Variants in IL1RAPL2 observed in about 807,000 individuals in gnomAD.
The protein encoded by IL1RAPL2 is X-linked interleukin-1 receptor accessory protein-like 2.
Under a neutral mutation model 44.1 loss-of-function variants are expected in IL1RAPL2, and 3 were observed. The ratio of observed to expected loss-of-function variants is 0.07; its 90% CI spans 0.03 to 0.18. The LOEUF is 0.18. Among genes scored for constraint, IL1RAPL2 ranks in the 10% least tolerant of loss-of-function variants. The pLI is 1.00. For synonymous variants in IL1RAPL2, 181 were observed against 178.8 expected, an observed-to-expected ratio of 1.01 and a Z score of -0.10; for missense variants, 391 against 496.4, an observed-to-expected ratio of 0.79 and a Z score of 2.02.
At chrX:104,629,984 T>C in intron 1 of IL1RAPL2, among the ~76,000 whole-genome samples, 1 of 111,349 alleles carries the variant, frequency 9.0e-6, no homozygotes. Flanking sequence ...TTGTTCTTTT[T>C]TTTGTTTGTT....
At chrX:105,663,702 C>G (rs947322292) in intron 6 of IL1RAPL2, among the ~76,000 whole-genome samples, 20 of 111,674 alleles carry the variant, frequency 1.8e-4, no homozygotes, top group Non-Finnish European at 3.2e-4. Context: ...ATATGAATTG[C>G]CACAAGTGAT....
chrX:104,642,276 A>AG (rs1049211225), intron 1 of IL1RAPL2, among the ~76,000 whole-genome samples: 1 of 111,885 alleles, frequency 8.9e-6, no homozygotes, highest in African/African-American at 3.3e-5. Context: ...CGTTCTTCTA[A>AG]GTGGAGGAAG....
chrX:105,375,551 T>C (rs1480611559), intron 5 of IL1RAPL2, among the ~76,000 whole-genome samples: 2 of 111,919 alleles, frequency 1.8e-5, no homozygotes, highest in Non-Finnish European at 1.9e-5. Context: ...AAAAAAACCC[T>C]GTACCTGCTA....
chrX:104,887,846 A>AGT (rs1923294901), intron 2 of IL1RAPL2, among the ~76,000 whole-genome samples: 1 of 112,020 alleles, frequency 8.9e-6, no homozygotes, highest in African/African-American at 3.2e-5. Context: ...GTTATGCCAT[A>AGT]GTTAGTGATG....
chrX:105,637,198 G>A (rs927676656), intron 6 of IL1RAPL2, among the ~76,000 whole-genome samples: 2 of 111,751 alleles, frequency 1.8e-5, no homozygotes, highest in Non-Finnish European at 3.8e-5. Flanking sequence ...TGCCTGCTAG[G>A]AAGAAAGCCT....
chrX:105,658,911 A>T (rs1422591280), intron 6 of IL1RAPL2, among the ~76,000 whole-genome samples: 14 of 104,709 alleles, frequency 1.3e-4, no homozygotes, highest in African/African-American at 4.9e-4. Flanking sequence ...GCAGTGAGCC[A>T]AGGTCACGCC....
chrX:105,376,719 G>A (rs1429754673), intron 5 of IL1RAPL2, among the ~76,000 whole-genome samples: 1 of 111,663 alleles, frequency 9.0e-6, no homozygotes, highest in Non-Finnish European at 1.9e-5. Context: ...TGTATGCAAG[G>A]AAAACTAGTT....
chrX:105,537,284 G>A (rs796332965), intron 6 of IL1RAPL2, among the ~76,000 whole-genome samples: 1 of 111,631 alleles, frequency 9.0e-6, no homozygotes, highest in African/African-American at 3.3e-5. Context: ...ACAAGAGCTG[G>A]TGTATCTATC....
chrX:105,560,682 A>G (rs977609570), intron 6 of IL1RAPL2, among the ~76,000 whole-genome samples: 1 of 110,860 alleles, frequency 9.0e-6, no homozygotes, highest in African/African-American at 3.3e-5. Flanking sequence ...GCCTCCTCCC[A>G]AAGTGCTGGA....
At chrX:104,725,073 C>T (rs887880565) in intron 2 of IL1RAPL2, among the ~76,000 whole-genome samples, 5 of 111,176 alleles carry the variant, frequency 4.5e-5, no homozygotes, top group African/African-American at 1.3e-4. Flanking sequence ...TGTGATGTTT[C>T]TCTCCCTATG....
chrX:104,613,515 C>A (rs1929207590), intron 1 of IL1RAPL2, among the ~76,000 whole-genome samples: 1 of 111,796 alleles, frequency 8.9e-6, no homozygotes, highest in African/African-American at 3.3e-5. Flanking sequence ...AGGAATGAAG[C>A]CTACTTGATC....
intron 10 of IL1RAPL2, among the ~76,000 whole-genome samples, chrX:105,765,932 A>G (rs2038725663): frequency 8.9e-6 from 1 of 112,278 alleles, no homozygotes; most frequent in South Asian, 3.7e-4. Context: ...GGCACTGTAC[A>G]TTAGACAAGG....
At chrX:105,536,359 C>A (rs985269080) in intron 6 of IL1RAPL2, among the ~76,000 whole-genome samples, 44 of 101,648 alleles carry the variant, frequency 4.3e-4, no homozygotes, top group Non-Finnish European at 6.8e-4. Flanking sequence ...CTTCTTAATT[C>A]TTTTTATCTA....
At chrX:105,096,671 G>A (rs1602952470) in intron 2 of IL1RAPL2, among the ~76,000 whole-genome samples, 2 of 111,672 alleles carry the variant, frequency 1.8e-5, no homozygotes, top group African/African-American at 6.5e-5. Flanking sequence ...TTGGTTAGTG[G>A]TTGCCAGAGG....
intron 2 of IL1RAPL2, among the ~76,000 whole-genome samples, chrX:105,079,457 A>T (rs1259770284): frequency 9.2e-6 from 1 of 109,282 alleles, no homozygotes; most frequent in East Asian, 3.0e-4. Context: ...CGTTTTCTTT[A>T]TCCAGTTCTT....
chrX:105,286,841 G>A (rs1345628455), intron 5 of IL1RAPL2, among the ~76,000 whole-genome samples: 1 of 111,663 alleles, frequency 9.0e-6, no homozygotes, highest in Non-Finnish European at 1.9e-5. Flanking sequence ...TTGACATAGA[G>A]TTGGAGATGA....
intron 2 of IL1RAPL2, among the ~76,000 whole-genome samples, chrX:104,948,556 G>A (rs1376722661): frequency 2.8e-5 from 3 of 107,652 alleles, no homozygotes; most frequent in Non-Finnish European, 5.8e-5. Flanking sequence ...CTGTGGGTTT[G>A]TCATAGATAG....
At chrX:105,142,463 T>C (rs1421247597) in intron 2 of IL1RAPL2, among the ~76,000 whole-genome samples, 1 of 111,337 alleles carries the variant, frequency 9.0e-6, no homozygotes, top group African/African-American at 3.3e-5. Flanking sequence ...ACTGCCATCT[T>C]CCACTCCTTG....
At chrX:105,418,230 G>C (rs1159996262) in intron 5 of IL1RAPL2, among the ~76,000 whole-genome samples, 1 of 110,741 alleles carries the variant, frequency 9.0e-6, no homozygotes, top group African/African-American at 3.3e-5. Context: ...AAAAAAAAAT[G>C]AATGAATGGA....
Sources: allele counts gnomAD v4.1 joint callset (sites outside exome capture counted in the v4.1 genomes callset), GRCh38; gene constraint gnomAD v4.1.1; transcripts MANE v1.5; gene names NCBI Gene and HGNC (gene_info 2026-07-23, HGNC 2026-07-21).